Variants in LONRF2 observed in about 807,000 individuals in gnomAD.
LONRF2 encodes LON peptidase N-terminal domain and ring finger 2.
LONRF2 carries 35 observed loss-of-function variants against 66.6 expected under a neutral mutation model. The ratio of observed to expected loss-of-function variants is 0.53; its 90% CI spans 0.40 to 0.70. LONRF2 has a LOEUF of 0.70. Ranked by LOEUF, LONRF2 falls within the 30% of genes least tolerant of loss-of-function variation. The pLI, the probability that LONRF2 is intolerant of heterozygous loss-of-function variation, is 0.00. For synonymous variants in LONRF2, 417 were observed against 418.1 expected (o/e 1.00, Z 0.03); for missense variants, 902 against 1,002.1 (o/e 0.90, Z 1.35).
intron 1 of LONRF2, among the ~76,000 whole-genome samples, chr2:100,312,976 T>A (rs1675438151): frequency 6.6e-6 from 1 of 152,182 alleles, no homozygotes; most frequent in South Asian, 2.1e-4. Context: ...TTCAGTAGGT[T>A]CACCAATTAA....
chr2:100,314,815 A>G lies in LONRF2; in HGVS notation c.680-5590T>C, dbSNP rs568653000. Among the ~76,000 whole-genome samples the G allele has an allele frequency of 2.0e-5, 3 of 152,254 alleles. No homozygotes were observed. In the South Asian group the frequency reaches 6.2e-4, roughly 32 times the overall value. On this transcript the variant is annotated intron_variant, in intron 1 of 11. Coordinates refer to ENST00000393437, the MANE Select transcript of LONRF2 (RefSeq NM_198461.4). Reference sequence around the variant, plus strand: ...TTAGCATCTTTCAGAAAATCAAGAGACTGTATATGTGAGAGTCAGTTTCAA... The same window carrying G: ...TTAGCATCTTTCAGAAAATCAAGAGGCTGTATATGTGAGAGTCAGTTTCAA...
In LONRF2 at chr2:100,278,530, T is replaced by C. The variant is rs534863092; in HGVS notation, c.*5768A>G. On this transcript the variant is annotated 3_prime_UTR_variant, in exon 12 of 12. Coordinates refer to ENST00000393437, the MANE Select transcript of LONRF2 (RefSeq NM_198461.4). Reference sequence around the variant, plus strand: ...ACAGCTGCACACATTCTGGGGTCTATTGATCTTGTCACCACTGATGTGGGG... The same window carrying C: ...ACAGCTGCACACATTCTGGGGTCTACTGATCTTGTCACCACTGATGTGGGG... 2.6e-5 allele frequency: 4 copies of C among 152,312 alleles called. No homozygotes were observed. Among genetic ancestry groups the C allele is most frequent in the Admixed American group, 6.5e-5 (1 of 15,306 alleles). 9.4% of individuals were successfully genotyped at this position (152,312 alleles called of 1,614,324 possible).
intron 1 of LONRF2, among the ~76,000 whole-genome samples, chr2:100,312,707 TTTTC>T (rs2104208761): frequency 6.6e-6 from 1 of 152,328 alleles, no homozygotes; most frequent in Admixed American, 6.5e-5. Context: ...TGAATCACTG[TTTTC>T]TTTGTTGACG....
chr2:100,308,423 G>C (rs1295210471), intron 2 of LONRF2, among the ~76,000 whole-genome samples: 1 of 152,196 alleles, frequency 6.6e-6, no homozygotes, highest in African/African-American at 2.4e-5. Flanking sequence ...ATAAAACAAA[G>C]TTGATATAAA....
chr2:100,295,680 G>C lies in LONRF2; in HGVS notation c.1477-127C>G, dbSNP rs929869940. ...GAGCAGGTAAGAAGGAAAAGGGATG[G>C]AGAGAGAGGCGGGCCAGCCTGTAAC... On this transcript the variant is annotated intron_variant, in intron 7 of 11. Coordinates refer to ENST00000393437, the MANE Select transcript of LONRF2 (RefSeq NM_198461.4). 3 of 892,470 alleles carry C rather than the reference G, an allele frequency of 3.4e-6. No homozygotes were observed. The African/African-American group carries it at 5.1e-5, about 15-fold the overall frequency. The allele number at this position is 892,470 out of a possible 1,614,324, so 55.3% of individuals were successfully genotyped here. A position where few individuals can be genotyped will look rare whatever the true frequency, so the allele number is the denominator to read the frequency against.
At chr2:100,285,473 G>A (rs1333478231) in intron 11 of LONRF2, among the ~76,000 whole-genome samples, 1 of 152,170 alleles carries the variant, frequency 6.6e-6, no homozygotes, top group Non-Finnish European at 1.5e-5. Flanking sequence ...AAAAATTGAT[G>A]TATTACCTAA....
chr2:100,299,597 G>T, intron 5 of LONRF2, 120 bp downstream of exon 5: 1 of 764,880 alleles, frequency 1.3e-6, no homozygotes, highest in Non-Finnish European at 2.1e-6. Flanking sequence ...TCTTAGAGCT[G>T]ATATAATCAT....
In LONRF2 at chr2:100,322,148, T is replaced by G; in HGVS notation, c.-55A>C. On this transcript the variant is annotated 5_prime_UTR_variant, in exon 1 of 12. Transcript: ENST00000393437. ...GAGCGAAGGCGCGGAGCAGGGAGGA[T>G]GCGCTGCTGCTGGGAACTGGCCGGC... 3 of 1,182,896 alleles carry G rather than the reference T, an allele frequency of 2.5e-6. No individual in the cohort carries two copies. Among genetic ancestry groups the G allele is most frequent in the Non-Finnish European group, 3.1e-6 (3 of 956,508 alleles). The allele number at this position is 1,182,896 out of a possible 1,614,324, so 73.3% of individuals were successfully genotyped here.
At position 100,300,817 on chromosome 2, in the gene LONRF2, T is replaced by C. The variant is rs748337053; in HGVS notation, c.922-30A>G. The C allele has an allele frequency of 9.8e-6, 15 of 1,523,904 alleles. 1 individual carries two copies. The Middle Eastern group carries it at 5.2e-4, about 53-fold the overall frequency. 94.4% of individuals were successfully genotyped at this position (1,523,904 alleles called of 1,614,324 possible). A position where few individuals can be genotyped will look rare whatever the true frequency, so the allele number is the denominator to read the frequency against. The stretch of plus-strand genomic sequence containing the variant: ...AAAATTGCCAAGAAAAGAAAAAATA[T>C]ATATTTTAAAACACTTTTGTAAAAA... On this transcript the variant is annotated intron_variant, in intron 3 of 11. Transcript: ENST00000393437.
chr2:100,308,643 A>G (rs184733068), intron 2 of LONRF2, among the ~76,000 whole-genome samples: 1 of 152,320 alleles, frequency 6.6e-6, no homozygotes, highest in Admixed American at 6.5e-5. Context: ...AACCTTTCCA[A>G]ACAAAACACA....
intron 3 of LONRF2, among the ~76,000 whole-genome samples, chr2:100,301,630 G>A (rs577308802): frequency 2.0e-5 from 3 of 152,322 alleles, no homozygotes; most frequent in Admixed American, 6.5e-5. Flanking sequence ...TTTTGGTACC[G>A]TCTGTGATAC....
intron 2 of LONRF2, among the ~76,000 whole-genome samples, chr2:100,307,968 A>C (rs1675330297): frequency 6.6e-6 from 1 of 152,204 alleles, no homozygotes; most frequent in Non-Finnish European, 1.5e-5. Flanking sequence ...GCAAACAAGC[A>C]ACAAAATAGA....
Position 100,294,302 on chromosome 2 carries a change from G to A in LONRF2, c.1684C>T (p.Arg562Trp), listed in dbSNP as rs773205136. The change falls in exon 9 of 12, where the codon CGG becomes TGG. Residue 562 changes from arginine (R) to tryptophan (W), a missense_variant. This residue lies in a region of LONRF2 where 317 missense variants were observed against 432.2 expected (regional missense o/e 0.73). Coordinates refer to ENST00000393437, the MANE Select transcript of LONRF2 (RefSeq NM_198461.4). ...CPLHVFEPRY[R>W]LMIRRCMETG... Reference sequence around the variant, plus strand: ...TCCATGCATCTTCTTATCATAAGCCGATAGCGGGGCTCAAAAACGTGGAGT... The same window carrying A: ...TCCATGCATCTTCTTATCATAAGCCAATAGCGGGGCTCAAAAACGTGGAGT... 4 of 1,609,608 alleles carry A rather than the reference G, an allele frequency of 2.5e-6. No individual in the cohort carries two copies. The highest frequency in any genetic ancestry group is 1.7e-5 in the Admixed American group (1 of 58,788).
At chr2:100,320,623 T>C (rs536259779) in intron 1 of LONRF2, among the ~76,000 whole-genome samples, 2 of 152,196 alleles carry the variant, frequency 1.3e-5, no homozygotes, top group South Asian at 4.1e-4. Context: ...ATATGCCCTA[T>C]TATAAAACCG....
chr2:100,289,122 C>T (rs541460436), intron 10 of LONRF2, among the ~76,000 whole-genome samples: 1 of 152,248 alleles, frequency 6.6e-6, no homozygotes, highest in Non-Finnish European at 1.5e-5. Flanking sequence ...TAATACCAAC[C>T]TAGAGAACAG....
chr2:100,322,073 C>T lies in LONRF2; in HGVS notation c.21G>A (p.Pro7=), dbSNP rs1361855861. The T allele has an allele frequency of 3.1e-6, 4 of 1,301,382 alleles. No homozygotes were observed. Among genetic ancestry groups the T allele is most frequent in the South Asian group, 2.1e-5 (1 of 46,770 alleles). 80.6% of individuals were successfully genotyped at this position (1,301,382 alleles called of 1,614,324 possible). A position where few individuals can be genotyped will look rare whatever the true frequency, so the allele number is the denominator to read the frequency against. The stretch of plus-strand genomic sequence containing the variant: ...CAGGACACTGGGGCGGCGGCGGCGG[C>T]GGGACCGGCTCGGGGCTCATCACCG... MSPEPV[P]PPPPPQCPGC... Residue 7 remains proline, a synonymous_variant, in exon 1 of 12, where the codon CCG becomes CCA. Transcript: ENST00000393437.
At chr2:100,297,631 T>C (rs1675098203) in intron 7 of LONRF2, among the ~76,000 whole-genome samples, 1 of 152,156 alleles carries the variant, frequency 6.6e-6, no homozygotes, top group Non-Finnish European at 1.5e-5. Flanking sequence ...GTGGGTCCGA[T>C]GCATCTACTA....
intron 1 of LONRF2, among the ~76,000 whole-genome samples, chr2:100,320,368 T>G (rs1242372654): frequency 3.3e-5 from 5 of 152,178 alleles, no homozygotes; most frequent in Admixed American, 3.3e-4. Context: ...AAAAGCTGAG[T>G]TAAGTGCTCT....
intron 1 of LONRF2, among the ~76,000 whole-genome samples, chr2:100,312,321 T>C (rs1675426095): frequency 1.3e-5 from 2 of 152,190 alleles, no homozygotes; most frequent in South Asian, 4.1e-4. Context: ...TTATTCCTTA[T>C]GGTATTTATG....
Sources: gnomAD v4.1 joint callset for allele counts (sites outside exome capture counted in the v4.1 genomes callset) on GRCh38, gnomAD v4.1.1 for gene constraint, gnomAD v4.1.1 regional missense constraint, MANE v1.5 for transcripts, NCBI Gene and HGNC (gene_info 2026-07-23, HGNC 2026-07-21) for gene names.